Variants in MDH1 observed in about 807,000 individuals in gnomAD.
MDH1 encodes the protein malate dehydrogenase, cytoplasmic.
Under a neutral mutation model 38.7 loss-of-function variants are expected in MDH1, and 15 were observed. That is an observed-to-expected ratio of 0.39 (90% CI 0.26 to 0.60). MDH1 has a LOEUF of 0.60. Among genes scored for constraint, MDH1 ranks in the 20% least tolerant of loss-of-function variants. The pLI, the probability that MDH1 is intolerant of heterozygous loss-of-function variation, is 0.56. For missense variants in MDH1, 368 were observed against 405.2 expected (o/e 0.91, Z 0.79); for synonymous variants, 144 against 143.6 (o/e 1.00, Z -0.02).
intron 1 of MDH1, among the ~76,000 whole-genome samples, chr2:63,592,572 C>T (rs891741575): frequency 2.0e-5 from 3 of 152,200 alleles, no homozygotes; most frequent in African/African-American, 7.2e-5. Flanking sequence ...TCTCGAACTC[C>T]TGGGCTCAAG....
At chr2:63,589,198 C>G in intron 1 of MDH1, 152 bp downstream of exon 1, 2 of 1,592,504 alleles carry the variant, frequency 1.3e-6, no homozygotes. Flanking sequence ...GGGATTGCCG[C>G]AGTGACCCAG....
intron 2 of MDH1, 193 bp downstream of exon 2, chr2:63,594,779 C>A (rs1575721004): frequency 1.0e-5 from 5 of 497,820 alleles, no homozygotes; most frequent in Admixed American, 3.4e-5. Flanking sequence ...AAACACTTTG[C>A]AAATGAGAAC....
intron 5 of MDH1, among the ~76,000 whole-genome samples, chr2:63,601,363 G>C (rs1463520819): frequency 6.6e-6 from 1 of 152,176 alleles, no homozygotes; most frequent in Non-Finnish European, 1.5e-5. Context: ...TGCAGAACTT[G>C]CCTGTGTATT....
rs1424095834 is a variant in MDH1, at chr2:63,589,056, G to T, written c.3+10G>T. The stretch of plus-strand genomic sequence containing the variant: ...GCAGTTTTCAATCATGGTGAGTGTG[G>T]GCCCCGGGTTCCTGCCCACCTCTGG... On this transcript the variant is annotated intron_variant, in intron 1 of 8. Transcript: ENST00000233114. The T allele has an allele frequency of 6.2e-7, 1 of 1,613,950 alleles. No homozygotes were observed. The highest frequency in any genetic ancestry group is 1.3e-5 in the African/African-American group (1 of 74,936).
In MDH1 at chr2:63,604,777, G is replaced by T. The variant is rs769038232; in HGVS notation, c.580G>T (p.Asp194Tyr). The part of the protein sequence containing the change: ...WGNHSSTQYP[D>Y]VNHAKVKLQG... ...AAACCATTCCTCGACTCAGTATCCA[G>T]ATGTCAACCATGCCAAGGTGAAATT... Residue 194 changes from aspartate (D) to tyrosine (Y), a missense_variant, in exon 6 of 9, where the codon GAT becomes TAT. Physicochemically the swap from Asp to Tyr is radical, Grantham distance 160. Transcript: ENST00000233114. 8 of 1,614,058 alleles carry T rather than the reference G, an allele frequency of 5.0e-6. No individual in the cohort carries two copies. In the Admixed American group the frequency reaches 1.2e-4, roughly 24 times the overall value.
intron 1 of MDH1, chr2:63,590,432 G>A (rs1709168456): frequency 6.6e-6 from 1 of 152,092 alleles, no homozygotes; most frequent in Non-Finnish European, 1.5e-5. Flanking sequence ...TCGCAGCGGG[G>A]GAGAGACAGT....
At position 63,597,540 on chromosome 2, in the gene MDH1, C is replaced by T; in HGVS notation, c.341C>T (p.Ala114Val). Residue 114 changes from alanine to valine, a missense_variant, in exon 4 of 9, where the codon GCA becomes GTA. Physicochemically the swap from Ala to Val is moderately conservative, Grantham distance 64. Transcript: ENST00000233114. ...GTGAAAATCTTCAAATCCCAGGGTGCAGCCTTAGATAAATACGCCAAGAAG... is the reference window on the plus strand; with the variant it reads ...GTGAAAATCTTCAAATCCCAGGGTGTAGCCTTAGATAAATACGCCAAGAAG... ...ANVKIFKSQG[A>V]ALDKYAKKSV... is the part of the protein sequence containing the mutation. 1.4e-6 allele frequency: 2 copies of T among 1,477,660 alleles called. No individual in the cohort carries two copies. The highest frequency in any genetic ancestry group is 1.4e-5 in the South Asian group (1 of 70,140). 91.5% of individuals were successfully genotyped at this position (1,477,660 alleles called of 1,614,324 possible).
rs534196745 is a variant in MDH1 at position 63,589,252 on chromosome 2, T to C, written c.3+206T>C. 2.6e-6 allele frequency: 4 copies of C among 1,552,708 alleles called. No homozygotes were observed. The African/African-American group carries it at 5.5e-5, about 21-fold the overall frequency. ...TTCCACCTTGCGGGGTATGGGGCGC[T>C]CTTAGGAGGACTCTGGAGAAGTAGT... On this transcript the variant is annotated intron_variant, in intron 1 of 8. Coordinates refer to ENST00000233114, the MANE Select transcript of MDH1 (RefSeq NM_005917.4).
chr2:63,594,583 T>G lies in MDH1; in HGVS notation c.99T>G (p.Asp33Glu). Residue 33 changes from aspartate (D) to glutamate (E), a missense_variant, in exon 2 of 9, where the codon GAT (aspartate) becomes GAG (glutamate). Physicochemically the swap from Asp to Glu is conservative, Grantham distance 45. Transcript: ENST00000233114. ...GAAATGGATCTGTCTTTGGTAAAGA[T>G]CAGGTAGGAACAGGTGTCTATAAAT... is the stretch of plus-strand genomic sequence containing the variant. ...SIGNGSVFGK[D>E]QPIILVLLDI... is the part of the protein sequence containing the mutation. The G allele has an allele frequency of 1.9e-6, 3 of 1,606,956 alleles. No homozygotes were observed. Among genetic ancestry groups the G allele is most frequent in the Non-Finnish European group, 2.6e-6 (3 of 1,173,770 alleles).
In MDH1 at chr2:63,607,110, T is replaced by C. The variant is rs1394111177; in HGVS notation, c.*123T>C. On this transcript the variant is annotated 3_prime_UTR_variant, in exon 9 of 9. Coordinates refer to ENST00000233114, the MANE Select transcript of MDH1 (RefSeq NM_005917.4). ...TGTGAAAAACAACACATTTTAAAGA[T>C]TACGTGCTTCTTGGTACAGGTTTGT... The C allele has an allele frequency of 2.4e-5, 23 of 965,190 alleles. No individual in the cohort carries two copies. The highest frequency in any genetic ancestry group is 3.2e-5 in the Non-Finnish European group (22 of 677,350). The allele number at this position is 965,190 out of a possible 1,614,324, so 59.8% of individuals were successfully genotyped here.
At chr2:63,593,003 T>C (rs1164960703) in intron 1 of MDH1, 2 of 151,784 alleles carry the variant, frequency 1.3e-5, no homozygotes, top group Non-Finnish European at 2.9e-5. Flanking sequence ...CTATAAATAG[T>C]AATAAATTAG....
At chr2:63,595,959 G>A (rs902614533) in intron 3 of MDH1, among the ~76,000 whole-genome samples, 2 of 152,160 alleles carry the variant, frequency 1.3e-5, no homozygotes, top group African/African-American at 2.4e-5. Flanking sequence ...TGCTCTGGAA[G>A]TTGGTTGGTT....
intron 3 of MDH1, 190 bp from the exon 4 acceptor site, chr2:63,597,207 ATC>A: frequency 1.2e-6 from 1 of 868,860 alleles, no homozygotes; most frequent in Non-Finnish European, 1.4e-6. Flanking sequence ...AGCAAAATAA[ATC>A]TATTGACATT....
chr2:63,589,750 C>T (rs1449598678), intron 1 of MDH1, among the ~76,000 whole-genome samples: 1 of 152,126 alleles, frequency 6.6e-6, no homozygotes, highest in Non-Finnish European at 1.5e-5. Context: ...CCTGGGTAAC[C>T]TGCATCTCCA....
intron 5 of MDH1, among the ~76,000 whole-genome samples, chr2:63,604,343 A>G (rs1309219948): frequency 6.6e-6 from 1 of 152,272 alleles, no homozygotes; most frequent in Non-Finnish European, 1.5e-5. Flanking sequence ...GTGAAACAAA[A>G]GATCACATTT....
chr2:63,599,089 G>GACT (rs1265798616), intron 4 of MDH1, 81 bp from the exon 5 acceptor site: 6 of 1,444,614 alleles, frequency 4.2e-6, no homozygotes, highest in Admixed American at 3.9e-5. Context: ...CTACCTGTTA[G>GACT]ACATTTTCAG....
chr2:63,605,003 T>G (rs2094697032), intron 6 of MDH1, 131 bp downstream of exon 6: 7 of 867,602 alleles, frequency 8.1e-6, no homozygotes, highest in Non-Finnish European at 1.1e-5. Flanking sequence ...GGGATCATAG[T>G]AAGCCAGTCA....
At chr2:63,597,684 A>G (rs1709343870) in intron 4 of MDH1, 110 bp downstream of exon 4, 2 of 969,232 alleles carry the variant, frequency 2.1e-6, no homozygotes, top group Non-Finnish European at 1.4e-6. Context: ...GTTCTGTACA[A>G]TCATCAGTAA....
Position 63,595,462 on chromosome 2 carries a change from G to A in MDH1, c.142G>A (p.Gly48Ser). The A allele has an allele frequency of 6.2e-7, 1 of 1,613,498 alleles. No individual in the cohort carries two copies. Among genetic ancestry groups the A allele is most frequent in the Non-Finnish European group, 8.5e-7 (1 of 1,179,466 alleles). ...GCTGTTGGATATCACCCCCATGATG[G>A]GTGTCCTGGACGGTGTCCTAATGGA... ...LVLLDITPMMGVLDGVLMELQ... is the reference protein window; with the variant it reads ...LVLLDITPMMSVLDGVLMELQ... Residue 48 changes from glycine (G) to serine (S), a missense_variant, in exon 3 of 9, where the codon GGT (glycine) becomes AGT (serine). Physicochemically the swap from Gly to Ser is moderately conservative, Grantham distance 56. Coordinates refer to ENST00000233114, the MANE Select transcript of MDH1 (RefSeq NM_005917.4).
Sources: gnomAD v4.1 joint callset for allele counts (sites outside exome capture counted in the v4.1 genomes callset) on GRCh38, gnomAD v4.1.1 for gene constraint, MANE v1.5 for transcripts, NCBI Gene and HGNC (gene_info 2026-07-23, HGNC 2026-07-21) for gene names.